The following CLMP variants were observed in gnomAD, a reference collection of about 807,000 sequenced individuals.
CLMP encodes CXADR-like membrane protein.
A neutral mutation model predicts 45.2 loss-of-function variants in CLMP; 27 were observed. The observed-to-expected ratio is 0.60, with a 90% CI of 0.44 to 0.82. The LOEUF (loss-of-function observed/expected upper bound fraction) is 0.82. Among genes scored for constraint, CLMP ranks in the 40% least tolerant of loss-of-function variants. The pLI is 0.00. For missense variants in CLMP, 403 were observed against 448.4 expected (o/e 0.90, Z 0.91); for synonymous variants, 167 against 171.4 (o/e 0.97, Z 0.20).
rs1238019012 is a variant in CLMP, at chr11:123,110,252, G to A, written c.29-12300C>T. Reference sequence around the variant, plus strand: ...GGGCAGATCACAAGGTCAGGAGTTCGAGACCAGCCTGCCCAACATGGTGAA... The same window carrying A: ...GGGCAGATCACAAGGTCAGGAGTTCAAGACCAGCCTGCCCAACATGGTGAA... On this transcript the variant is annotated intron_variant, in intron 1 of 6. Transcript: ENST00000448775. 7.9e-5 allele frequency among the ~76,000 whole-genome samples: 12 copies of A among 151,986 alleles called. 1 individual carries two copies. The highest frequency in any genetic ancestry group is 2.9e-4 in the African/African-American group (12 of 41,372).
Position 123,074,829 on chromosome 11 carries a change from C to T in CLMP, c.694G>A (p.Gly232Ser), listed in dbSNP as rs780267376. The T allele has an allele frequency of 9.3e-6, 15 of 1,613,454 alleles. No individual in the cohort carries two copies. The highest frequency in any genetic ancestry group is 1.6e-4 in the Middle Eastern group (1 of 6,076). ...RVTVQYVQSI[G>S]MVAGAVTGIV... ...CCTGTCACTGCTCCTGCAACCATGC[C>T]GATGCTTTGTACATCTATTTTCTCA... Residue 232 changes from glycine to serine, a missense_variant, in exon 6 of 7, where the codon GGC (glycine) becomes AGC (serine). Physicochemically the swap from Gly to Ser is moderately conservative, Grantham distance 56. Transcript: ENST00000448775.
At chr11:123,087,401 C>T (rs575563791) in intron 2 of CLMP, among the ~76,000 whole-genome samples, 13 of 151,322 alleles carry the variant, frequency 8.6e-5, no homozygotes, top group African/African-American at 2.9e-4. Context: ...CCCAGCTACT[C>T]AGGAGGCTGA....
intron 5 of CLMP, 35 bp from the exon 6 acceptor site, chr11:123,074,878 A>G: frequency 6.2e-7 from 1 of 1,603,778 alleles, no homozygotes; most frequent in Non-Finnish European, 8.5e-7. Flanking sequence ...AAGTAAAACC[A>G]AACGTAAGCT....
intron 1 of CLMP, among the ~76,000 whole-genome samples, chr11:123,168,261 T>C (rs1179809665): frequency 6.8e-6 from 1 of 147,824 alleles, no homozygotes; most frequent in Non-Finnish European, 1.5e-5. Flanking sequence ...GCCATGTATC[T>C]GGCCAGGGCA....
intron 1 of CLMP, among the ~76,000 whole-genome samples, chr11:123,116,918 G>A (rs1196359221): frequency 6.6e-6 from 1 of 152,010 alleles, no homozygotes; most frequent in African/African-American, 2.4e-5. Context: ...TATCAGGGTG[G>A]CATGAACAAC....
chr11:123,122,086 A>G (rs1860826961), intron 1 of CLMP, among the ~76,000 whole-genome samples: 1 of 152,206 alleles, frequency 6.6e-6, no homozygotes, highest in African/African-American at 2.4e-5. Flanking sequence ...AGAAAAATAC[A>G]TGTGTTCAAT....
At chr11:123,140,937 G>C (rs961411839) in intron 1 of CLMP, among the ~76,000 whole-genome samples, 2 of 152,036 alleles carry the variant, frequency 1.3e-5, no homozygotes, top group African/African-American at 4.8e-5. Flanking sequence ...GTGAGTTCTG[G>C]ATCATCTGTT....
rs777815179 is a variant in CLMP at position 123,073,556 on chromosome 11, T to G, written c.1040A>C (p.Lys347Thr). Residue 347 changes from lysine (K) to threonine (T), a missense_variant, in exon 7 of 7, where the codon AAA (lysine) becomes ACA (threonine). Coordinates refer to ENST00000448775, the MANE Select transcript of CLMP (RefSeq NM_024769.5). ...TTTGGTCAGATTAGCATGGTGGACT[T>G]TCTTTGGTTCAGAACCTCTCACCTC... ...GPEVRGSEPK[K>T]VHHANLTKAE... The G allele has an allele frequency of 4.3e-6, 7 of 1,614,236 alleles. 1 individual carries two copies. The South Asian group carries it at 6.6e-5, about 15-fold the overall frequency.
chr11:123,164,644 G>A (rs372589402), intron 1 of CLMP, among the ~76,000 whole-genome samples: 1 of 151,782 alleles, frequency 6.6e-6, no homozygotes, highest in African/African-American at 2.4e-5. Flanking sequence ...CTAATCAAGT[G>A]AGAGTAGCTA....
At chr11:123,168,991 T>C (rs933881518) in intron 1 of CLMP, among the ~76,000 whole-genome samples, 1 of 152,078 alleles carries the variant, frequency 6.6e-6, no homozygotes, top group African/African-American at 2.4e-5. Context: ...CAGGGACCCA[T>C]GAATATGAAA....
intron 2 of CLMP, among the ~76,000 whole-genome samples, chr11:123,094,843 C>T (rs1418727162): frequency 6.6e-6 from 1 of 152,128 alleles, no homozygotes; most frequent in African/African-American, 2.4e-5. Context: ...ACTGTGTCAC[C>T]CAGGCTGGTC....
chr11:123,111,118 A>G (rs1204423504), intron 1 of CLMP, among the ~76,000 whole-genome samples: 1 of 152,078 alleles, frequency 6.6e-6, no homozygotes, highest in Non-Finnish European at 1.5e-5. Flanking sequence ...GTGAGCGCTT[A>G]CACAATTTAT....
intron 1 of CLMP, among the ~76,000 whole-genome samples, chr11:123,120,505 A>G (rs1860799511): frequency 6.6e-6 from 1 of 152,162 alleles, no homozygotes; most frequent in Non-Finnish European, 1.5e-5. Flanking sequence ...TAGTTCTACA[A>G]GCTTGGGCAA....
At chr11:123,151,705 A>G (rs1404527344) in intron 1 of CLMP, among the ~76,000 whole-genome samples, 1 of 152,232 alleles carries the variant, frequency 6.6e-6, no homozygotes, top group Non-Finnish European at 1.5e-5. Context: ...GCAGGGAAGA[A>G]TCTGATCAAT....
chr11:123,152,190 C>G (rs1861344924), intron 1 of CLMP, among the ~76,000 whole-genome samples: 1 of 152,194 alleles, frequency 6.6e-6, no homozygotes, highest in South Asian at 2.1e-4. Context: ...AGGAGCTATA[C>G]ACATATATTA....
chr11:123,114,293 C>T (rs1035482282), intron 1 of CLMP, among the ~76,000 whole-genome samples: 2 of 152,202 alleles, frequency 1.3e-5, no homozygotes, highest in Admixed American at 6.5e-5. Context: ...GCCCCTTCCA[C>T]TTTCCTATCA....
chr11:123,152,305 C>T (rs1302942573), intron 1 of CLMP, among the ~76,000 whole-genome samples: 1 of 152,000 alleles, frequency 6.6e-6, no homozygotes, highest in African/African-American at 2.4e-5. Context: ...GGGTGGATCA[C>T]GAGGTCAAGA....
At chr11:123,082,165 A>G (rs1197520049) in intron 5 of CLMP, among the ~76,000 whole-genome samples, 1 of 152,224 alleles carries the variant, frequency 6.6e-6, no homozygotes, top group Non-Finnish European at 1.5e-5. Flanking sequence ...CTTGCCTAGA[A>G]TGGTAGTGGC....
chr11:123,150,201 A>AACACAC (rs113858165), intron 1 of CLMP, among the ~76,000 whole-genome samples: 24 of 142,194 alleles, frequency 1.7e-4, no homozygotes, highest in East Asian at 6.2e-4. Context: ...ACACACACTA[A>AACACAC]ACACACACAC....
Sources: allele counts gnomAD v4.1 joint callset (sites outside exome capture counted in the v4.1 genomes callset), GRCh38; gene constraint gnomAD v4.1.1; transcripts MANE v1.5; gene names NCBI Gene and HGNC (gene_info 2026-07-23, HGNC 2026-07-21).